The following RABL3 variants were observed in gnomAD, a reference collection of about 807,000 sequenced individuals.
RABL3 encodes rab-like protein 3.
In RABL3, 31 loss-of-function variants were observed where a neutral mutation model predicts 31.8. That is an observed-to-expected ratio of 0.97 (90% confidence interval 0.73 to 1.31). The LOEUF (loss-of-function observed/expected upper bound fraction) is 1.31, where lower values mean the gene tolerates loss of function less well. RABL3 is among the 40% of genes most tolerant of loss of function. The pLI is 0.00. For missense variants in RABL3, 263 were observed against 279.6 expected, an observed-to-expected ratio of 0.94 and a Z score of 0.42; for synonymous variants, 97 against 99.9, an observed-to-expected ratio of 0.97 and a Z score of 0.18.
chr3:120,730,356 G>A (rs1037049530), intron 2 of RABL3, among the ~76,000 whole-genome samples: 1 of 152,164 alleles, frequency 6.6e-6, no homozygotes. Flanking sequence ...CTGAAAGTTG[G>A]CAGTCTTAAT....
intron 1 of RABL3, among the ~76,000 whole-genome samples, chr3:120,739,074 T>A (rs1709009361): frequency 6.6e-6 from 1 of 152,148 alleles, no homozygotes; most frequent in Non-Finnish European, 1.5e-5. Context: ...GTTAACCTGA[T>A]AAAGGAATAA....
intron 1 of RABL3, among the ~76,000 whole-genome samples, chr3:120,732,262 T>C (rs1275923236): frequency 6.6e-6 from 1 of 152,194 alleles, no homozygotes. Flanking sequence ...ATTGGCCTGG[T>C]GAATTAATCT....
chr3:120,731,737 A>G lies in RABL3; in HGVS notation c.47-950T>C, dbSNP rs1402649413. ...TGTTTATTTTTTATTATAAAAAGTT[A>G]TATTTACAATCTAGAAAGTATGCAC... On this transcript the variant is annotated intron_variant, in intron 1 of 7. Transcript: ENST00000273375. Among the ~76,000 whole-genome samples the G allele has an allele frequency of 2.0e-5, 3 of 152,148 alleles. 1 individual carries two copies. Among genetic ancestry groups the G allele is most frequent in the African/African-American group, 7.2e-5 (3 of 41,424 alleles).
At position 120,729,859 on chromosome 3, in the gene RABL3, A is replaced by C. The variant is rs184426775; in HGVS notation, c.138+837T>G. 2.0e-4 allele frequency among the ~76,000 whole-genome samples: 30 copies of C among 152,258 alleles called. 1 individual carries two copies. The highest frequency in any genetic ancestry group is 3.7e-4 in the Non-Finnish European group (25 of 68,000). Reference sequence around the variant, plus strand: ...GAGGCAAGACAGATAATGGCTTAAAATTCTGAAAAATAAAGAGATGAGAAC... The same window carrying C: ...GAGGCAAGACAGATAATGGCTTAAACTTCTGAAAAATAAAGAGATGAGAAC... On this transcript the variant is annotated intron_variant, in intron 2 of 7. Transcript: ENST00000273375.
At chr3:120,737,980 C>G (rs1708992570) in intron 1 of RABL3, among the ~76,000 whole-genome samples, 1 of 152,194 alleles carries the variant, frequency 6.6e-6, no homozygotes, top group African/African-American at 2.4e-5. Context: ...GGTCAGGGAC[C>G]CACTTGAGGG....
At position 120,689,805 on chromosome 3, in the gene RABL3, C is replaced by T; in HGVS notation, c.*18G>A. The T allele has an allele frequency of 1.3e-6, 2 of 1,587,172 alleles. No homozygotes were observed. The highest frequency in any genetic ancestry group is 1.7e-6 in the Non-Finnish European group (2 of 1,156,348). ...AAACTGCCACTGCTTGCTCACTCTT[C>T]CAAAGGATGAGTGTAATTCAGTCAT... is the stretch of plus-strand genomic sequence containing the variant. On this transcript the variant is annotated 3_prime_UTR_variant, in exon 8 of 8. Transcript: ENST00000273375.
chr3:120,713,353 T>A (rs1708632628), intron 2 of RABL3, among the ~76,000 whole-genome samples: 1 of 152,256 alleles, frequency 6.6e-6, no homozygotes, highest in Non-Finnish European at 1.5e-5. Flanking sequence ...TCACATGGAA[T>A]GAATCCCAAC....
At chr3:120,709,258 G>A (rs183114738) in intron 3 of RABL3, among the ~76,000 whole-genome samples, 1 of 152,116 alleles carries the variant, frequency 6.6e-6, no homozygotes. Flanking sequence ...AGCTCCATCT[G>A]GAAGTCTGCT....
intron 1 of RABL3, among the ~76,000 whole-genome samples, chr3:120,738,928 T>C (rs1001986721): frequency 6.6e-6 from 1 of 152,162 alleles, no homozygotes; most frequent in Non-Finnish European, 1.5e-5. Context: ...AACTCAGTAC[T>C]TAAAAGGAAA....
intron 1 of RABL3, among the ~76,000 whole-genome samples, chr3:120,738,306 C>G (rs769377240): frequency 1.3e-5 from 2 of 152,216 alleles, no homozygotes; most frequent in African/African-American, 4.8e-5. Context: ...TGAGCCAGGT[C>G]AGAGATATAA....
At chr3:120,709,076 A>G (rs1708583123) in intron 3 of RABL3, among the ~76,000 whole-genome samples, 1 of 152,088 alleles carries the variant, frequency 6.6e-6, no homozygotes, top group Non-Finnish European at 1.5e-5. Flanking sequence ...ATCCTTTGGT[A>G]TATTAATCAA....
intron 2 of RABL3, among the ~76,000 whole-genome samples, chr3:120,724,818 T>C (rs1414339634): frequency 2.0e-5 from 3 of 151,980 alleles, no homozygotes; most frequent in Non-Finnish European, 1.5e-5. Context: ...ATTAAAGACT[T>C]AAATGTTAGA....
chr3:120,717,699 C>T (rs180805650), intron 2 of RABL3, among the ~76,000 whole-genome samples: 2 of 152,252 alleles, frequency 1.3e-5, no homozygotes, highest in Admixed American at 1.3e-4. Context: ...AAACTCCTGA[C>T]CTCACGTGAT....
intron 4 of RABL3, among the ~76,000 whole-genome samples, chr3:120,699,922 G>C (rs745844609): frequency 6.6e-5 from 10 of 152,144 alleles, no homozygotes; most frequent in Non-Finnish European, 8.8e-5. Context: ...ATGAAGTTTT[G>C]AGAGTGTCTT....
chr3:120,739,981 G>A (rs1182106758), intron 1 of RABL3, among the ~76,000 whole-genome samples: 3 of 152,176 alleles, frequency 2.0e-5, no homozygotes, highest in African/African-American at 4.8e-5. Flanking sequence ...GAATAATGGC[G>A]AATTTCATTT....
chr3:120,717,790 G>C (rs376130018), intron 2 of RABL3, among the ~76,000 whole-genome samples: 40 of 152,250 alleles, frequency 2.6e-4, no homozygotes, highest in African/African-American at 9.6e-4. Flanking sequence ...GTTTCTAAAC[G>C]GAATTACTGC....
At position 120,687,277 on chromosome 3, in the gene RABL3, G is replaced by C. The variant is rs1013081711; in HGVS notation, c.*2546C>G. 2 of 152,114 alleles carry C rather than the reference G, an allele frequency of 1.3e-5. No homozygotes were observed. The highest frequency in any genetic ancestry group is 4.8e-5 in the African/African-American group (2 of 41,426). 9.4% of individuals were successfully genotyped at this position (152,114 alleles called of 1,614,324 possible). A position where few individuals can be genotyped will look rare whatever the true frequency, so the allele number is the denominator to read the frequency against. ...TTTCTACCAACTTGTCCCATCAAGA[G>C]AGTAAGATATACATATGTAAAGAGA... On this transcript the variant is annotated 3_prime_UTR_variant, in exon 8 of 8. Coordinates refer to ENST00000273375, the MANE Select transcript of RABL3 (RefSeq NM_173825.5).
rs937185548 is a variant in RABL3, at chr3:120,689,838, G to T, written c.696C>A (p.Ser232Arg). The change falls in exon 8 of 8, where the codon AGC becomes AGA. Residue 232 changes from serine (S) to arginine (R), a missense_variant. Ser to Arg is a moderately radical substitution (Grantham distance 110). Transcript: ENST00000273375. ...RKRFGAGTLK[S>R]LHYD is the part of the protein sequence containing the mutation. Reference sequence around the variant, plus strand: ...TGAGTGTAATTCAGTCATAATGAAGGCTCTTTAATGTTCCTGCCCCAAATC... The same window carrying T: ...TGAGTGTAATTCAGTCATAATGAAGTCTCTTTAATGTTCCTGCCCCAAATC... The T allele has an allele frequency of 1.9e-6, 3 of 1,612,378 alleles. No homozygotes were observed. The highest frequency in any genetic ancestry group is 1.7e-4 in the Middle Eastern group (1 of 6,058).
chr3:120,712,317 A>G (rs564533570), intron 2 of RABL3, among the ~76,000 whole-genome samples: 1 of 152,222 alleles, frequency 6.6e-6, no homozygotes, highest in Non-Finnish European at 1.5e-5. Flanking sequence ...TTAATTCTGC[A>G]TATTACAATA....
Sources: gnomAD v4.1 joint callset for allele counts (sites outside exome capture counted in the v4.1 genomes callset) on GRCh38, gnomAD v4.1.1 for gene constraint, MANE v1.5 for transcripts, NCBI Gene and HGNC (gene_info 2026-07-23, HGNC 2026-07-21) for gene names.